TPSB2: variants seen among roughly 807,000 people sequenced by gnomAD.
TPSB2 encodes tryptase beta 2.
Under a neutral mutation model 19.8 loss-of-function variants are expected in TPSB2, and 13 were observed. That is an observed-to-expected ratio of 0.66 (90% confidence interval 0.43 to 1.04). The LOEUF is 1.04. Among genes scored for constraint, TPSB2 ranks in the 50% least tolerant of loss-of-function variants. The pLI, the probability that TPSB2 is intolerant of heterozygous loss-of-function variation, is 0.00. For missense variants in TPSB2, 196 were observed against 259.9 expected, an observed-to-expected ratio of 0.75 and a Z score of 1.69; for synonymous variants, 78 against 116.4, an observed-to-expected ratio of 0.67 and a Z score of 2.12.
rs111992451 is a variant in TPSB2 at position 1,229,583 on chromosome 16, T to C, written c.216A>G (p.Ala72=). 599,109 of 1,393,752 alleles carry C rather than the reference T, an allele frequency of 0.43. 111,173 individuals carry two copies. Among genetic ancestry groups the C allele is most frequent in the East Asian group, 0.78 (30,759 of 39,186 alleles). 86.3% of individuals were successfully genotyped at this position (1,393,752 alleles called of 1,614,324 possible). ...AGACTCACGGTCCCACGCAGTGCGCTGCGGTCAGCACCCACTGGGGGTGGA... is the reference window on the plus strand; with the variant it reads ...AGACTCACGGTCCCACGCAGTGCGCCGCGGTCAGCACCCACTGGGGGTGGA... ...SLIHPQWVLT[A]AHCVGPDVKD... is the part of the protein sequence containing the mutation. The change falls in exon 3 of 6, where the codon GCA becomes GCG. Residue 72 remains alanine, a synonymous_variant. Transcript: ENST00000606293.
In TPSB2 at chr16:1,228,654, G is replaced by C; in HGVS notation, c.824C>G (p.Pro275Arg). 6.2e-7 allele frequency: 1 copy of C among 1,603,018 alleles called. No homozygotes were observed. The highest frequency in any genetic ancestry group is 1.7e-5 in the Admixed American group (1 of 59,266). The change falls in exon 6 of 6, where the codon CCG becomes CGG. Residue 275 changes from proline (P) to arginine (R), a missense_variant. Pro to Arg is a moderately radical substitution (Grantham distance 103). Coordinates refer to ENST00000606293, the MANE Select transcript of TPSB2 (RefSeq NM_024164.6). ...DWIHHYVPKKP is the reference protein window; with the variant it reads ...DWIHHYVPKKR ...GGTGGACACCCCAGGCCTGACTCAC[G>C]GCTTTTTGGGGACATAGTGGTGGAT... is the stretch of plus-strand genomic sequence containing the variant.
chr16:1,229,546 C>T lies in TPSB2; in HGVS notation c.233+20G>A, dbSNP rs778268822. 9.7e-5 allele frequency: 140 copies of T among 1,437,202 alleles called. 8 individuals carry two copies. In the South Asian group the frequency reaches 1.1e-3, roughly 11 times the overall value. The allele number at this position is 1,437,202 out of a possible 1,614,324, so 89.0% of individuals were successfully genotyped here. On this transcript the variant is annotated intron_variant, in intron 3 of 5. Transcript: ENST00000606293. The stretch of plus-strand genomic sequence containing the variant: ...TCACATCCAGCCCTTCCCCACCCTT[C>T]CAGGCCCCGGGAGACTCACGGTCCC...
At position 1,229,008 on chromosome 16, in the gene TPSB2, G is replaced by A. The variant is rs1292722983; in HGVS notation, c.555C>T (p.Asn185=). ...GGTGGTATTTTGCGTCACAAATGTG[G>A]TTTTCCATTATGGGGACCTTCACCT... ...LKQVKVPIME[N]HICDAKYHLG... is the part of the protein sequence containing the mutation. Residue 185 remains asparagine (N), a synonymous_variant, in exon 5 of 6, where the codon AAC becomes AAT. Transcript: ENST00000606293. The A allele has an allele frequency of 2.2e-6, 1 of 458,326 alleles. No homozygotes were observed. The highest frequency in any genetic ancestry group is 3.6e-6 in the Non-Finnish European group (1 of 277,778). 28.4% of individuals were successfully genotyped at this position (458,326 alleles called of 1,614,324 possible).
In TPSB2 at chr16:1,229,732, C is replaced by T. The variant is rs746355564; in HGVS notation, c.67G>A (p.Gly23Ser). 1.9e-6 allele frequency: 3 copies of T among 1,576,800 alleles called. No homozygotes were observed. The highest frequency in any genetic ancestry group is 2.6e-6 in the Non-Finnish European group (3 of 1,166,282). The change falls in exon 3 of 6, where the codon GGC becomes AGC. Residue 23 changes from glycine to serine, a missense_variant. Gly to Ser is a moderately conservative substitution (Grantham distance 56). Transcript: ENST00000606293. Reference sequence around the variant, plus strand: ...ATGCCCACTCGCTGCAGGGCCTGGCCTGGGGCTGGGGCAGGTGCCAGGTCA... The same window carrying T: ...ATGCCCACTCGCTGCAGGGCCTGGCTTGGGGCTGGGGCAGGTGCCAGGTCA... ...ASRAYAAPAP[G>S]QALQRVGIVG...
At position 1,229,606 on chromosome 16, in the gene TPSB2, G is replaced by A. The variant is rs760343689; in HGVS notation, c.193C>T (p.His65Tyr). 9 of 1,596,598 alleles carry A rather than the reference G, an allele frequency of 5.6e-6. No individual in the cohort carries two copies. The highest frequency in any genetic ancestry group is 1.5e-5 in the African/African-American group (1 of 68,612). The change falls in exon 3 of 6, where the codon CAC (histidine) becomes TAC (tyrosine). Residue 65 changes from histidine (H) to tyrosine (Y), a missense_variant. This residue lies in a region of TPSB2 where 72 missense variants were observed against 80.5 expected (regional missense o/e 0.89). Transcript: ENST00000606293. ...GCTGCGGTCAGCACCCACTGGGGGTGGATGAGGGAGCCCCCGCAGAAGTGC... is the reference window on the plus strand; with the variant it reads ...GCTGCGGTCAGCACCCACTGGGGGTAGATGAGGGAGCCCCCGCAGAAGTGC... Reference protein sequence around the residue: ...WMHFCGGSLIHPQWVLTAAHC... With the variant: ...WMHFCGGSLIYPQWVLTAAHC...
rs370455505 is a variant in TPSB2, at chr16:1,228,791, C to T, written c.687G>A (p.Val229=). The change falls in exon 6 of 6, where the codon GTG becomes GTA. Residue 229 remains valine, a synonymous_variant. Coordinates refer to ENST00000606293, the MANE Select transcript of TPSB2 (RefSeq NM_024164.6). ...GCAGCCAGGTGCCATTCACCTTGCA[C>T]ACCAGGGGCCCTCCGGAGTCGCCCT... ...SCQGDSGGPL[V]CKVNGTWLQA... 6.7e-7 allele frequency: 1 copy of T among 1,495,098 alleles called. No homozygotes were observed. Among genetic ancestry groups the T allele is most frequent in the Non-Finnish European group, 8.9e-7 (1 of 1,121,976 alleles). 92.6% of individuals were successfully genotyped at this position (1,495,098 alleles called of 1,614,324 possible). A position where few individuals can be genotyped will look rare whatever the true frequency, so the allele number is the denominator to read the frequency against.
Position 1,228,391 on chromosome 16 carries a change from C to T in TPSB2, c.*259G>A. On this transcript the variant is annotated 3_prime_UTR_variant, in exon 6 of 6. Transcript: ENST00000606293. Reference sequence around the variant, plus strand: ...ACTCAGGAGGATTAGCGCCCACCACCAGCTGCCTGGGCAGGGGAGGGCCGG... The same window carrying T: ...ACTCAGGAGGATTAGCGCCCACCACTAGCTGCCTGGGCAGGGGAGGGCCGG... 2 of 708,852 alleles carry T rather than the reference C, an allele frequency of 2.8e-6. No homozygotes were observed. Among genetic ancestry groups the T allele is most frequent in the Non-Finnish European group, 4.6e-6 (2 of 438,438 alleles). The allele number at this position is 708,852 out of a possible 1,614,324, so 43.9% of individuals were successfully genotyped here.
Position 1,228,377 on chromosome 16 carries a change from T to C in TPSB2, c.*273A>G. On this transcript the variant is annotated 3_prime_UTR_variant, in exon 6 of 6. Transcript: ENST00000606293. ...TAATGAGGTCCAGCACTCAGGAGGATTAGCGCCCACCACCAGCTGCCTGGG... is the reference window on the plus strand; with the variant it reads ...TAATGAGGTCCAGCACTCAGGAGGACTAGCGCCCACCACCAGCTGCCTGGG... 1.6e-6 allele frequency: 1 copy of C among 626,672 alleles called. No individual in the cohort carries two copies. Among genetic ancestry groups the C allele is most frequent in the Non-Finnish European group, 2.7e-6 (1 of 365,262 alleles). The allele number at this position is 626,672 out of a possible 1,614,324, so 38.8% of individuals were successfully genotyped here. A position where few individuals can be genotyped will look rare whatever the true frequency, so the allele number is the denominator to read the frequency against.
chr16:1,228,534 C>T lies in TPSB2; in HGVS notation c.*116G>A. 1 of 686,166 alleles carries T rather than the reference C, an allele frequency of 1.5e-6. No individual in the cohort carries two copies. Among genetic ancestry groups the T allele is most frequent in the South Asian group, 1.9e-5 (1 of 52,626 alleles). 42.5% of individuals were successfully genotyped at this position (686,166 alleles called of 1,614,324 possible). A position where few individuals can be genotyped will look rare whatever the true frequency, so the allele number is the denominator to read the frequency against. On this transcript the variant is annotated 3_prime_UTR_variant, in exon 6 of 6. Transcript: ENST00000606293. Reference sequence around the variant, plus strand: ...AGGGGGCTTAGGACAGGAAGGGGCACTCAGGACGGGGCAGGGAAGGTGTGG... The same window carrying T: ...AGGGGGCTTAGGACAGGAAGGGGCATTCAGGACGGGGCAGGGAAGGTGTGG...
At position 1,228,680 on chromosome 16, in the gene TPSB2, C is replaced by T. The variant is rs780498766; in HGVS notation, c.798G>A (p.Trp266Ter). 1.9e-6 allele frequency: 3 copies of T among 1,602,096 alleles called. No homozygotes were observed. The highest frequency in any genetic ancestry group is 1.4e-5 in the African/African-American group (1 of 71,486). ...IYTRVTYYLD[W>*]IHHYVPKKP ...GCTTTTTGGGGACATAGTGGTGGAT[C>T]CAGTCCAAGTAGTAGGTGACACGGG... is the stretch of plus-strand genomic sequence containing the variant. Residue 266 changes from tryptophan to a stop codon, truncating the protein, a stop_gained, in exon 6 of 6, where the codon TGG (tryptophan) becomes TGA (stop). Transcript: ENST00000606293. LOFTEE classifies it high-confidence loss of function.
Position 1,228,375 on chromosome 16 carries a change from G to A in TPSB2, c.*275C>T, listed in dbSNP as rs1286920950. ...TTTAATGAGGTCCAGCACTCAGGAG[G>A]ATTAGCGCCCACCACCAGCTGCCTG... is the stretch of plus-strand genomic sequence containing the variant. On this transcript the variant is annotated 3_prime_UTR_variant, in exon 6 of 6. Coordinates refer to ENST00000606293, the MANE Select transcript of TPSB2 (RefSeq NM_024164.6). The A allele has an allele frequency of 8.0e-6, 5 of 623,288 alleles. No individual in the cohort carries two copies. Among genetic ancestry groups the A allele is most frequent in the African/African-American group, 1.9e-5 (1 of 53,314 alleles). The allele number at this position is 623,288 out of a possible 1,614,324, so 38.6% of individuals were successfully genotyped here. A position where few individuals can be genotyped will look rare whatever the true frequency, so the allele number is the denominator to read the frequency against.
In TPSB2 at chr16:1,228,453, G is replaced by C. The variant is rs1187895121; in HGVS notation, c.*197C>G. The C allele has an allele frequency of 3.3e-6, 4 of 1,209,926 alleles. No individual in the cohort carries two copies. Among genetic ancestry groups the C allele is most frequent in the East Asian group, 2.5e-5 (1 of 39,392 alleles). The allele number at this position is 1,209,926 out of a possible 1,614,324, so 74.9% of individuals were successfully genotyped here. On this transcript the variant is annotated 3_prime_UTR_variant, in exon 6 of 6. Coordinates refer to ENST00000606293, the MANE Select transcript of TPSB2 (RefSeq NM_024164.6). The stretch of plus-strand genomic sequence containing the variant: ...CAGGCGTCAGGCTTAGGACAGGGAA[G>C]GGGGCTCAGGATGGGGAAGGGTCCT...
Position 1,229,595 on chromosome 16 carries a change from C to T in TPSB2, c.204G>A (p.Trp68Ter). The T allele has an allele frequency of 6.3e-7, 1 of 1,590,538 alleles. No individual in the cohort carries two copies. Among genetic ancestry groups the T allele is most frequent in the Non-Finnish European group, 8.5e-7 (1 of 1,175,310 alleles). ...FCGGSLIHPQ[W>*]VLTAAHCVGP... is the part of the protein sequence containing the mutation. ...CCACGCAGTGCGCTGCGGTCAGCACCCACTGGGGGTGGATGAGGGAGCCCC... is the reference window on the plus strand; with the variant it reads ...CCACGCAGTGCGCTGCGGTCAGCACTCACTGGGGGTGGATGAGGGAGCCCC... The change falls in exon 3 of 6, where the codon TGG becomes TGA. Residue 68 changes from tryptophan to a stop codon, truncating the protein, a stop_gained. Coordinates refer to ENST00000606293, the MANE Select transcript of TPSB2 (RefSeq NM_024164.6). LOFTEE classifies it high-confidence loss of function.
rs760268825 is a variant in TPSB2 at position 1,229,643 on chromosome 16, G to A, written c.156C>T (p.Asp52=). The A allele has an allele frequency of 9.3e-6, 15 of 1,604,468 alleles. No individual in the cohort carries two copies. Among genetic ancestry groups the A allele is most frequent in the South Asian group, 1.1e-5 (1 of 90,138 alleles). ...WPWQVSLRVR[D]RYWMHFCGGS... is the part of the protein sequence containing the mutation. ...CCCCGCAGAAGTGCATCCAGTATCG[G>A]TCGCGGACTCTCAGGCTCACCTGCC... The change falls in exon 3 of 6, where the codon GAC becomes GAT. Residue 52 remains aspartate, a synonymous_variant. Transcript: ENST00000606293.
rs1291946388 is a variant in TPSB2 at position 1,229,061 on chromosome 16, G to A, written c.502C>T (p.Arg168Cys). 2.6e-6 allele frequency: 1 copy of A among 377,800 alleles called. No individual in the cohort carries two copies. Among genetic ancestry groups the A allele is most frequent in the Non-Finnish European group, 4.4e-6 (1 of 229,112 alleles). 23.4% of individuals were successfully genotyped at this position (377,800 alleles called of 1,614,324 possible). A position where few individuals can be genotyped will look rare whatever the true frequency, so the allele number is the denominator to read the frequency against. ...TGWGDVDNDERLPPPFPLKQV... is the reference protein window; with the variant it reads ...TGWGDVDNDECLPPPFPLKQV... The stretch of plus-strand genomic sequence containing the variant: ...TTCAGAGGAAATGGCGGTGGGAGGC[G>A]CTCTGCAGGTGGGGAAGAGGGTGCA... The change falls in exon 5 of 6, where the codon CGC becomes TGC. Residue 168 changes from arginine (R) to cysteine (C), a missense_variant and splice_region_variant. Transcript: ENST00000606293.
Position 1,228,365 on chromosome 16 carries a change from C to T in TPSB2, c.*285G>A, listed in dbSNP as rs2030259629. 1.7e-6 allele frequency: 1 copy of T among 591,868 alleles called. No homozygotes were observed. The highest frequency in any genetic ancestry group is 3.0e-5 in the Admixed American group (1 of 32,818). The allele number at this position is 591,868 out of a possible 1,614,324, so 36.7% of individuals were successfully genotyped here. A position where few individuals can be genotyped will look rare whatever the true frequency, so the allele number is the denominator to read the frequency against. Reference sequence around the variant, plus strand: ...TTCCATGCACTTTAATGAGGTCCAGCACTCAGGAGGATTAGCGCCCACCAC... The same window carrying T: ...TTCCATGCACTTTAATGAGGTCCAGTACTCAGGAGGATTAGCGCCCACCAC... On this transcript the variant is annotated 3_prime_UTR_variant, in exon 6 of 6. Transcript: ENST00000606293.
In TPSB2 at chr16:1,228,556, G is replaced by T; in HGVS notation, c.*94C>A. 3 of 1,216,870 alleles carry T rather than the reference G, an allele frequency of 2.5e-6. No homozygotes were observed. The highest frequency in any genetic ancestry group is 3.5e-6 in the Non-Finnish European group (3 of 862,340). The allele number at this position is 1,216,870 out of a possible 1,614,324, so 75.4% of individuals were successfully genotyped here. A position where few individuals can be genotyped will look rare whatever the true frequency, so the allele number is the denominator to read the frequency against. On this transcript the variant is annotated 3_prime_UTR_variant, in exon 6 of 6. Transcript: ENST00000606293. ...GCACTCAGGACGGGGCAGGGAAGGT[G>T]TGGGGGGCAGTCGCCACCTGGGTAG...
rs2030272258 is a variant in TPSB2, at chr16:1,228,581, G to A, written c.*69C>T. 7 of 1,489,548 alleles carry A rather than the reference G, an allele frequency of 4.7e-6. 1 individual carries two copies. In the Admixed American group the frequency reaches 7.3e-5, roughly 16 times the overall value. The allele number at this position is 1,489,548 out of a possible 1,614,324, so 92.3% of individuals were successfully genotyped here. Reference sequence around the variant, plus strand: ...GTGGGGGGCAGTCGCCACCTGGGTAGGAAGCAGTGGTGTTTTGAACAGGAG... The same window carrying A: ...GTGGGGGGCAGTCGCCACCTGGGTAAGAAGCAGTGGTGTTTTGAACAGGAG... On this transcript the variant is annotated 3_prime_UTR_variant, in exon 6 of 6. Transcript: ENST00000606293.
At position 1,228,337 on chromosome 16, in the gene TPSB2, G is replaced by A. The variant is rs1410433610; in HGVS notation, c.*313C>T. ...CAGAAACACAGCGATGCACACCAGT[G>A]ATTTCCATGCACTTTAATGAGGTCC... On this transcript the variant is annotated 3_prime_UTR_variant, in exon 6 of 6. Coordinates refer to ENST00000606293, the MANE Select transcript of TPSB2 (RefSeq NM_024164.6). 10 of 506,958 alleles carry A rather than the reference G, an allele frequency of 2.0e-5. 1 individual carries two copies. Among genetic ancestry groups the A allele is most frequent in the Non-Finnish European group, 3.5e-5 (10 of 283,868 alleles). The allele number at this position is 506,958 out of a possible 1,614,324, so 31.4% of individuals were successfully genotyped here. A position where few individuals can be genotyped will look rare whatever the true frequency, so the allele number is the denominator to read the frequency against.
Sources: allele counts gnomAD v4.1 joint callset, GRCh38; gene constraint gnomAD v4.1.1; regional missense constraint gnomAD v4.1.1; transcripts MANE v1.5; gene names NCBI Gene and HGNC (gene_info 2026-07-23, HGNC 2026-07-21).